PCDHGA3: variants seen among roughly 807,000 people sequenced by gnomAD.
PCDHGA3 encodes protocadherin gamma-A3.
In PCDHGA3, 40 loss-of-function variants were observed where a neutral mutation model predicts 58.5. That is an observed-to-expected ratio of 0.68 (90% CI 0.53 to 0.89). PCDHGA3 has a LOEUF of 0.89. Among genes scored for constraint, PCDHGA3 ranks in the 40% least tolerant of loss-of-function variants. The pLI is 0.00. For synonymous variants in PCDHGA3, 530 were observed against 525.7 expected (o/e 1.01, Z -0.11); for missense variants, 1,223 against 1,195.9 (o/e 1.02, Z -0.33).
intron 1 of PCDHGA3, chr5:141,382,669 G>GT (rs1778360255): frequency 2.3e-6 from 1 of 433,228 alleles, no homozygotes. Context: ...CAGCGCCGCT[G>GT]TTCACCAACC....
At chr5:141,358,657 A>T (rs1423903378) in intron 1 of PCDHGA3, among the ~76,000 whole-genome samples, 2 of 152,232 alleles carry the variant, frequency 1.3e-5, no homozygotes, top group South Asian at 2.1e-4. Context: ...TCTAGGAGTA[A>T]CTTTAATAAT....
chr5:141,447,650 TC>T (rs1036312126), intron 1 of PCDHGA3, among the ~76,000 whole-genome samples: 1 of 151,988 alleles, frequency 6.6e-6, no homozygotes, highest in Non-Finnish European at 1.5e-5. Context: ...GGTAGAATTT[TC>T]CCCCCCAGGA....
chr5:141,369,009 CT>C (rs1295175926), intron 1 of PCDHGA3, among the ~76,000 whole-genome samples: 2 of 152,148 alleles, frequency 1.3e-5, no homozygotes, highest in African/African-American at 4.8e-5. Context: ...GAACTCATTG[CT>C]TATTGCTGCA....
At chr5:141,348,816 G>A (rs550611584) in intron 1 of PCDHGA3, among the ~76,000 whole-genome samples, 28 of 152,320 alleles carry the variant, frequency 1.8e-4, no homozygotes, top group Admixed American at 6.5e-4. Context: ...ATAATAGGCT[G>A]TTTCGAATAG....
chr5:141,414,116 A>C (rs760214999), intron 1 of PCDHGA3: 2 of 1,592,434 alleles, frequency 1.3e-6, no homozygotes, highest in Non-Finnish European at 1.7e-6. Context: ...CTAGATTATG[A>C]AGAAACCGGT....
chr5:141,449,944 T>C (rs1375717746), intron 1 of PCDHGA3, among the ~76,000 whole-genome samples: 1 of 151,744 alleles, frequency 6.6e-6, no homozygotes, highest in Non-Finnish European at 1.5e-5. Flanking sequence ...TATATTTTAC[T>C]ATACCTCATA....
intron 1 of PCDHGA3, chr5:141,404,321 T>C (rs764642673): frequency 1.2e-6 from 2 of 1,613,882 alleles, no homozygotes; most frequent in East Asian, 2.2e-5. Flanking sequence ...TCAAGCCTCC[T>C]ACTCAGTCTA....
chr5:141,384,606 A>G (rs770325322), intron 1 of PCDHGA3: 1 of 1,614,152 alleles, frequency 6.2e-7, no homozygotes, highest in Admixed American at 1.7e-5. Context: ...CCCTCCCCAC[A>G]GATGGTTCTA....
intron 1 of PCDHGA3, chr5:141,414,260 A>G: frequency 6.2e-7 from 1 of 1,613,444 alleles, no homozygotes; most frequent in Non-Finnish European, 8.5e-7. Context: ...CCAGTGACTG[A>G]AGATTCACCT....
chr5:141,492,042 A>T, intron 1 of PCDHGA3: 1 of 519,520 alleles, frequency 1.9e-6, no homozygotes, highest in Non-Finnish European at 3.4e-6. Context: ...GCAGTCACAG[A>T]TCCACCCCTG....
At chr5:141,358,025 A>G (rs1760791349) in intron 1 of PCDHGA3, among the ~76,000 whole-genome samples, 1 of 152,146 alleles carries the variant, frequency 6.6e-6, no homozygotes, top group Non-Finnish European at 1.5e-5. Context: ...CCCAGTCTCT[A>G]CTAAAATACA....
intron 1 of PCDHGA3, among the ~76,000 whole-genome samples, chr5:141,444,466 C>A (rs539222916): frequency 1.3e-5 from 2 of 151,982 alleles, no homozygotes; most frequent in African/African-American, 4.8e-5. Flanking sequence ...TCACTGCGCC[C>A]GGTCGCGTAC....
At chr5:141,495,015 G>C in intron 2 of PCDHGA3, 150 bp downstream of exon 2, 2 of 1,507,428 alleles carry the variant, frequency 1.3e-6, no homozygotes, top group East Asian at 4.9e-5. Flanking sequence ...CGGGGGGCTG[G>C]CACACAGACC....
At chr5:141,350,425 T>A (rs759895057) in intron 1 of PCDHGA3, 1 of 1,607,986 alleles carries the variant, frequency 6.2e-7, no homozygotes, top group East Asian at 2.2e-5. Context: ...TGGGGCTCAG[T>A]GTCCGGGAGT....
intron 1 of PCDHGA3, chr5:141,428,232 G>C (rs546567556): frequency 9.3e-7 from 1 of 1,071,494 alleles, no homozygotes; most frequent in African/African-American, 1.5e-5. Context: ...CAGACAGCCT[G>C]CAGGAGGCAC....
chr5:141,478,657 G>A, intron 1 of PCDHGA3: 2 of 1,551,912 alleles, frequency 1.3e-6, no homozygotes, highest in Non-Finnish European at 1.7e-6. Flanking sequence ...TCCTGGTGAT[G>A]CATTCACACT....
intron 1 of PCDHGA3, chr5:141,357,172 G>A: frequency 6.2e-7 from 1 of 1,613,706 alleles, no homozygotes; most frequent in Non-Finnish European, 8.5e-7. Flanking sequence ...CTCGGCCACC[G>A]TCACACTCAC....
At chr5:141,500,473 T>C (rs911171031) in intron 2 of PCDHGA3, among the ~76,000 whole-genome samples, 10 of 152,132 alleles carry the variant, frequency 6.6e-5, no homozygotes, top group Admixed American at 4.6e-4. Flanking sequence ...CCTCCCAAAG[T>C]GCTGGGATTA....
intron 1 of PCDHGA3, among the ~76,000 whole-genome samples, chr5:141,467,062 T>C (rs2099136058): frequency 6.6e-6 from 1 of 151,686 alleles, no homozygotes; most frequent in South Asian, 2.1e-4. Context: ...TTTCTTTTTT[T>C]TTTTTTTTTA....
Sources: allele counts gnomAD v4.1 joint callset (sites outside exome capture counted in the v4.1 genomes callset), GRCh38; gene constraint gnomAD v4.1.1; transcripts MANE v1.5; gene names NCBI Gene and HGNC (gene_info 2026-07-23, HGNC 2026-07-21).